Variants in PCDHGA10 observed in about 807,000 individuals in gnomAD.
PCDHGA10 encodes protocadherin gamma-A10.
A neutral mutation model predicts 59.5 loss-of-function variants in PCDHGA10; 42 were observed. That is an observed-to-expected ratio of 0.71 (90% CI 0.55 to 0.91). The LOEUF is 0.91. PCDHGA10 is among the 40% of genes least tolerant of loss of function. PCDHGA10 has a pLI of 0.00. For synonymous variants in PCDHGA10, 511 were observed against 517.2 expected, an observed-to-expected ratio of 0.99 and a Z score of 0.16; for missense variants, 1,111 against 1,198.2, an observed-to-expected ratio of 0.93 and a Z score of 1.07.
Position 141,486,662 on chromosome 5 carries a change from C to T in PCDHGA10, c.2437-8145C>T. 6.2e-7 allele frequency: 1 copy of T among 1,613,970 alleles called. No homozygotes were observed. The highest frequency in any genetic ancestry group is 1.1e-5 in the South Asian group (1 of 91,086). ...GCTTATCTCCTACTCACTCCTGGAG[C>T]CCAGGAATCGAGATGTATCAGCTTC... On this transcript the variant is annotated intron_variant, in intron 1 of 3. Coordinates refer to ENST00000398610, the MANE Select transcript of PCDHGA10 (RefSeq NM_018913.3). The surrounding 1 kb of genome is among the most constrained non-coding windows in gnomAD (Gnocchi z 5.0).
At chr5:141,465,649 A>C (rs1174371552) in intron 1 of PCDHGA10, among the ~76,000 whole-genome samples, 1 of 152,200 alleles carries the variant, frequency 6.6e-6, no homozygotes, top group African/African-American at 2.4e-5. Context: ...TGAACATCCC[A>C]AAAAAGCGCT....
intron 1 of PCDHGA10, among the ~76,000 whole-genome samples, chr5:141,453,673 AC>A (rs1459216908): frequency 6.6e-6 from 1 of 152,230 alleles, no homozygotes; most frequent in African/African-American, 2.4e-5. Flanking sequence ...ACAAAAGGTA[AC>A]ACACTATGTA....
intron 1 of PCDHGA10, among the ~76,000 whole-genome samples, chr5:141,484,627 A>G (rs866882607): frequency 5.3e-5 from 8 of 152,162 alleles, no homozygotes; most frequent in Middle Eastern, 3.4e-3. Flanking sequence ...TGGCTTGAAC[A>G]AAGTGACCAC....
At chr5:141,494,889 A>G (rs2099757275) in intron 2 of PCDHGA10, 24 bp downstream of exon 2, 1 of 1,613,844 alleles carries the variant, frequency 6.2e-7, no homozygotes, top group Admixed American at 1.7e-5. Context: ...TCTCCAGCCC[A>G]CCCTCTTCTC....
intron 1 of PCDHGA10, among the ~76,000 whole-genome samples, chr5:141,451,090 A>G (rs2098706546): frequency 6.6e-6 from 1 of 151,864 alleles, no homozygotes; most frequent in Non-Finnish European, 1.5e-5. Context: ...GACCTCCCAA[A>G]GTGTTGGGAT....
At position 141,418,595 on chromosome 5, in the gene PCDHGA10, G is replaced by A. The variant is rs1331897624; in HGVS notation, c.2436+2984G>A. The A allele has an allele frequency of 2.5e-6, 4 of 1,613,928 alleles. No individual in the cohort carries two copies. Among genetic ancestry groups the A allele is most frequent in the Admixed American group, 3.3e-5 (2 of 60,006 alleles). On this transcript the variant is annotated intron_variant, in intron 1 of 3. Transcript: ENST00000398610. ...CAACCCCCCAGTGTTCAGCCAGGAC[G>A]TGTACAGGGTTAGCCTTCGGGAAGA...
intron 1 of PCDHGA10, chr5:141,440,868 T>G (rs1288344051): frequency 3.9e-5 from 6 of 152,150 alleles, no homozygotes; most frequent in Non-Finnish European, 1.5e-5. Context: ...ATCTAGGATG[T>G]GTACAGCGTC....
chr5:141,500,294 C>T (rs755761935), intron 2 of PCDHGA10, among the ~76,000 whole-genome samples: 3 of 151,732 alleles, frequency 2.0e-5, no homozygotes, highest in Non-Finnish European at 2.9e-5. Flanking sequence ...CTGCAAGCTC[C>T]GCCTCCCAGG....
intron 2 of PCDHGA10, among the ~76,000 whole-genome samples, chr5:141,499,868 A>G (rs2099794957): frequency 6.6e-6 from 1 of 152,024 alleles, no homozygotes; most frequent in Non-Finnish European, 1.5e-5. Context: ...TTGTATTTTC[A>G]GTACAAACAG....
Position 141,485,582 on chromosome 5 carries a change from C to G in PCDHGA10, c.2437-9225C>G. The G allele has an allele frequency of 6.2e-7, 1 of 1,612,374 alleles. No individual in the cohort carries two copies. Among genetic ancestry groups the G allele is most frequent in the South Asian group, 1.1e-5 (1 of 90,956 alleles). On this transcript the variant is annotated intron_variant, in intron 1 of 3. Transcript: ENST00000398610. The surrounding 1 kb of genome is among the most constrained non-coding windows in gnomAD (Gnocchi z 5.7). ...TCACGCCCCCCGTTTTCCGCGGCAG[C>G]AGCTGGACTTGGAAATTGGGGAGGC...
chr5:141,491,966 G>A lies in PCDHGA10; in HGVS notation c.2437-2841G>A. 1.1e-6 allele frequency: 1 copy of A among 943,066 alleles called. No individual in the cohort carries two copies. Among genetic ancestry groups the A allele is most frequent in the Non-Finnish European group, 1.5e-6 (1 of 669,210 alleles). The allele number at this position is 943,066 out of a possible 1,614,324, so 58.4% of individuals were successfully genotyped here. On this transcript the variant is annotated intron_variant, in intron 1 of 3. Coordinates refer to ENST00000398610, the MANE Select transcript of PCDHGA10 (RefSeq NM_018913.3). The surrounding 1 kb of genome is among the most constrained non-coding windows in gnomAD (Gnocchi z 6.9). ...CCACCCCTACACTCAAAAAAGGCCG[G>A]GGCCTCCTTCGAGCTTCCGGTGAAT...
rs2233602 is a variant in PCDHGA10, at chr5:141,490,032, C to T, written c.2437-4775C>T. 47,990 of 1,614,182 alleles carry T rather than the reference C, an allele frequency of 0.03. 1,413 individuals are homozygous for T. Among genetic ancestry groups the T allele is most frequent in the African/African-American group, 0.15 (11,444 of 75,040 alleles). On this transcript the variant is annotated intron_variant, in intron 1 of 3. Coordinates refer to ENST00000398610, the MANE Select transcript of PCDHGA10 (RefSeq NM_018913.3). The surrounding 1 kb of genome is among the most constrained non-coding windows in gnomAD (Gnocchi z 5.4). ...CCATTGGTACTCTGCTGCTCCGCCT[C>T]AATGCCACTGATCCAGACGAGGGCA...
At chr5:141,419,124 T>A in intron 1 of PCDHGA10, 1 of 1,613,798 alleles carries the variant, frequency 6.2e-7, no homozygotes, top group Non-Finnish European at 8.5e-7. Context: ...AACGTCACCA[T>A]CGCAGCCACA....
At position 141,498,794 on chromosome 5, in the gene PCDHGA10, G is replaced by A. The variant is rs184257963; in HGVS notation, c.2495+3929G>A. ...TAAAAATACAAAATATTAGCCAGGT[G>A]TGGTGGTGCACACCTGTAGTCCCAG... On this transcript the variant is annotated intron_variant, in intron 2 of 3. Transcript: ENST00000398610. Among the ~76,000 whole-genome samples the A allele has an allele frequency of 7.9e-5, 12 of 152,224 alleles. No individual in the cohort carries two copies. The East Asian group carries it at 2.3e-3, about 30-fold the overall frequency.
chr5:141,437,831 G>C (rs923199746), intron 1 of PCDHGA10, among the ~76,000 whole-genome samples: 16 of 151,256 alleles, frequency 1.1e-4, no homozygotes, highest in African/African-American at 3.4e-4. Flanking sequence ...TCTGCCTCCT[G>C]GGTTCATGCT....
chr5:141,478,678 C>T (rs3805695), intron 1 of PCDHGA10: 273,671 of 1,551,084 alleles, frequency 0.18, 26,385 homozygotes, highest in African/African-American at 0.39. Context: ...TTCAACTGGC[C>T]CTTCCTAGAT....
At chr5:141,419,959 T>C (rs765017440) in intron 1 of PCDHGA10, 5 of 1,614,104 alleles carry the variant, frequency 3.1e-6, no homozygotes, top group Non-Finnish European at 3.4e-6. Flanking sequence ...CCTTGATTTC[T>C]GTGCTCTTTC....
Position 141,477,337 on chromosome 5 carries a change from C to T in PCDHGA10, c.2437-17470C>T. ...TTACTTCTTCCCTCAAGAATTACTT[C>T]ACTTTGAAAACCAGTGCAGACCTGG... On this transcript the variant is annotated intron_variant, in intron 1 of 3. Transcript: ENST00000398610. The surrounding 1 kb of genome is among the most constrained non-coding windows in gnomAD (Gnocchi z 4.9). The T allele has an allele frequency of 1.2e-6, 2 of 1,614,166 alleles. No individual in the cohort carries two copies. Among genetic ancestry groups the T allele is most frequent in the Non-Finnish European group, 1.7e-6 (2 of 1,180,028 alleles).
At position 141,491,462 on chromosome 5, in the gene PCDHGA10, T is replaced by C; in HGVS notation, c.2437-3345T>C. 1.2e-6 allele frequency: 2 copies of C among 1,614,004 alleles called. No individual in the cohort carries two copies. The highest frequency in any genetic ancestry group is 1.7e-6 in the Non-Finnish European group (2 of 1,179,978). ...CGCCAGGACTCACCCTCCCCGGACT[T>C]CTATAAGCAGTCCAGCCCCAACCTG... On this transcript the variant is annotated intron_variant, in intron 1 of 3. Coordinates refer to ENST00000398610, the MANE Select transcript of PCDHGA10 (RefSeq NM_018913.3). This position sits in a 1 kb window ranked among gnomAD's most constrained non-coding sequence, Gnocchi z 6.9.
Sources: gnomAD v4.1 joint callset for allele counts (sites outside exome capture counted in the v4.1 genomes callset) on GRCh38, gnomAD v4.1.1 for gene constraint, Gnocchi (gnomAD v3.1) non-coding constraint, MANE v1.5 for transcripts, NCBI Gene and HGNC (gene_info 2026-07-23, HGNC 2026-07-21) for gene names.